Variants in NTRK3 observed in about 807,000 individuals in gnomAD.
NTRK3 encodes the protein NT-3 growth factor receptor.
Under a neutral mutation model 91.7 loss-of-function variants are expected in NTRK3, and 24 were observed. That is an observed-to-expected ratio of 0.26 (90% CI 0.19 to 0.37). NTRK3 has a LOEUF of 0.37. Ranked by LOEUF, NTRK3 falls within the 10% of genes least tolerant of loss-of-function variation. NTRK3 has a pLI of 1.00. For missense variants in NTRK3, 880 were observed against 1,068.9 expected (o/e 0.82, Z 2.46); for synonymous variants, 483 against 404.0 (o/e 1.20, Z -2.34).
intron 17 of NTRK3, among the ~76,000 whole-genome samples, chr15:87,896,089 C>A (rs2066106155): frequency 6.6e-6 from 1 of 152,158 alleles, no homozygotes; most frequent in South Asian, 2.1e-4. Context: ...GGTACCCCGA[C>A]CACATTGGGC....
exon 19 of NTRK3, chr15:87,867,032 GT>G: frequency 4.5e-6 from 1 of 221,730 alleles, no homozygotes; most frequent in Non-Finnish European, 9.0e-6. Flanking sequence ...AAGAAAACGT[GT>G]TTGGAGAAAG....
At position 88,147,243 on chromosome 15, in the gene NTRK3, C is replaced by T. The variant is rs889710943; in HGVS notation, c.464+92G>A. 7 of 1,193,812 alleles carry T rather than the reference C, an allele frequency of 5.9e-6. No homozygotes were observed. In the Admixed American group the frequency reaches 8.9e-5, roughly 15 times the overall value. The allele number at this position is 1,193,812 out of a possible 1,614,324, so 74.0% of individuals were successfully genotyped here. On this transcript the variant is annotated intron_variant, in intron 6 of 18. Coordinates refer to ENST00000394480, the Ensembl canonical transcript of NTRK3. ...TAGGCTCTTCGAGTAGATGTATGCT[C>T]AGCCTTCAGGTGGTTCCACTGCTTG...
At chr15:88,232,724 G>A (rs1472940534) in intron 3 of NTRK3, among the ~76,000 whole-genome samples, 3 of 152,192 alleles carry the variant, frequency 2.0e-5, no homozygotes, top group Non-Finnish European at 4.4e-5. Context: ...TGGGCAGTGG[G>A]ATGTACCAAG....
chr15:87,911,322 CACTTTGCACTTATCTAAGCA>C, intron 17 of NTRK3, among the ~76,000 whole-genome samples: 1 of 152,280 alleles, frequency 6.6e-6, no homozygotes, highest in African/African-American at 2.4e-5. Flanking sequence ...ATTGCTCTAC[CACTTTGCACTTATCTAAGCA>C]ATCTCTGTTG....
At chr15:87,900,730 T>TGTGCGC (rs1292724469) in intron 17 of NTRK3, among the ~76,000 whole-genome samples, 1 of 150,768 alleles carries the variant, frequency 6.6e-6, no homozygotes, top group African/African-American at 2.4e-5. Context: ...TGTGTGTGTG[T>TGTGCGC]GCTGTAGGCA....
At chr15:87,988,444 T>C (rs1053114343) in intron 14 of NTRK3, among the ~76,000 whole-genome samples, 4 of 152,226 alleles carry the variant, frequency 2.6e-5, no homozygotes, top group African/African-American at 9.6e-5. Context: ...ATAATGTACC[T>C]ACACTCATTT....
At chr15:87,951,473 T>G (rs1023663543) in intron 14 of NTRK3, among the ~76,000 whole-genome samples, 7 of 152,208 alleles carry the variant, frequency 4.6e-5, no homozygotes, top group Non-Finnish European at 1.0e-4. Context: ...TTTGTGGACA[T>G]GGGCCGAGCC....
At chr15:88,220,119 T>C (rs2050116233) in intron 3 of NTRK3, among the ~76,000 whole-genome samples, 1 of 151,910 alleles carries the variant, frequency 6.6e-6, no homozygotes, top group South Asian at 2.1e-4. Context: ...TATAATAAGA[T>C]AAAATAAAAT....
chr15:88,062,573 T>C (rs954293996), intron 13 of NTRK3, among the ~76,000 whole-genome samples: 2 of 152,198 alleles, frequency 1.3e-5, no homozygotes, highest in Non-Finnish European at 2.9e-5. Context: ...CCAATGAAGC[T>C]ACAAGGTAAA....
intron 14 of NTRK3, among the ~76,000 whole-genome samples, chr15:87,969,148 T>C (rs1330531319): frequency 3.3e-5 from 5 of 152,090 alleles, no homozygotes; most frequent in Admixed American, 3.3e-4. Flanking sequence ...GAATGAGAGA[T>C]GAAATTCACC....
chr15:88,194,603 A>C (rs8025146), intron 3 of NTRK3, among the ~76,000 whole-genome samples: 94,256 of 152,182 alleles, frequency 0.62, 33,999 homozygotes, highest in East Asian at 0.83. Context: ...CCCTGCCTCC[A>C]AAACATGACT....
chr15:88,208,827 A>C (rs2049003721), intron 3 of NTRK3, among the ~76,000 whole-genome samples: 4 of 152,184 alleles, frequency 2.6e-5, no homozygotes, highest in Admixed American at 2.6e-4. Flanking sequence ...CCACCCTCAG[A>C]GATTGCAATT....
chr15:88,235,277 C>T lies in NTRK3; in HGVS notation c.248+20629G>A, dbSNP rs2051592757. Among the ~76,000 whole-genome samples the T allele has an allele frequency of 6.6e-6, 1 of 152,176 alleles. No homozygotes were observed. On this transcript the variant is annotated intron_variant, in intron 3 of 18. Coordinates refer to ENST00000394480, the Ensembl canonical transcript of NTRK3. The surrounding 1 kb of genome is among the most constrained non-coding windows in gnomAD (Gnocchi z 5.2). The stretch of plus-strand genomic sequence containing the variant: ...GAATCACCAACATGAATGAGTAAGG[C>T]CTGTGTCGCTGTCTACCCTACCCAC...
rs543332314 is a variant in NTRK3 at position 88,240,553 on chromosome 15, G to C, written c.248+15353C>G. 6.6e-6 allele frequency among the ~76,000 whole-genome samples: 1 copy of C among 152,272 alleles called. No individual in the cohort carries two copies. Among genetic ancestry groups the C allele is most frequent in the East Asian group, 1.9e-4 (1 of 5,176 alleles). ...TGCCTGCTTACTGTGGAGGAGGCTGGGGCTGGCAGGAAATGGAAAGGGGTC... is the reference window on the plus strand; with the variant it reads ...TGCCTGCTTACTGTGGAGGAGGCTGCGGCTGGCAGGAAATGGAAAGGGGTC... On this transcript the variant is annotated intron_variant, in intron 3 of 18. Coordinates refer to ENST00000394480, the Ensembl canonical transcript of NTRK3. The surrounding 1 kb of genome is among the most constrained non-coding windows in gnomAD (Gnocchi z 4.9).
intron 7 of NTRK3, 91 bp from the exon 8 acceptor site, chr15:88,136,700 C>A: frequency 6.7e-7 from 1 of 1,500,084 alleles, no homozygotes; most frequent in Non-Finnish European, 9.0e-7. Flanking sequence ...GCACTTCTTG[C>A]CTTGCCCAGT....
At chr15:88,080,670 G>A (rs553942338) in intron 13 of NTRK3, among the ~76,000 whole-genome samples, 3 of 152,318 alleles carry the variant, frequency 2.0e-5, no homozygotes, top group South Asian at 2.1e-4. Context: ...CCACAGTGAC[G>A]TGGCTCTTCC....
chr15:87,861,950 C>T (rs1018649425), exon 19 of NTRK3: 12 of 215,576 alleles, frequency 5.6e-5, no homozygotes, highest in Admixed American at 3.5e-4. Flanking sequence ...CAGCTCCTTC[C>T]CCTCTGTTCT....
At chr15:88,073,847 A>G (rs1260271349) in intron 13 of NTRK3, among the ~76,000 whole-genome samples, 8 of 150,276 alleles carry the variant, frequency 5.3e-5, no homozygotes, top group African/African-American at 9.8e-5. Flanking sequence ...AGGGGTGTTC[A>G]TGGGGGAAGA....
chr15:88,135,572 C>T (rs1037462703), intron 9 of NTRK3, among the ~76,000 whole-genome samples, 175 bp from the exon 10 acceptor site: 2 of 152,192 alleles, frequency 1.3e-5, no homozygotes, highest in East Asian at 1.9e-4. Flanking sequence ...TGTCTTTATG[C>T]AAGCTTCCTA....
Sources: gnomAD v4.1 joint callset for allele counts (sites outside exome capture counted in the v4.1 genomes callset) on GRCh38, gnomAD v4.1.1 for gene constraint, Gnocchi (gnomAD v3.1) non-coding constraint, MANE v1.5 for transcripts, NCBI Gene and HGNC (gene_info 2026-07-23, HGNC 2026-07-21) for gene names.